Variants in MYBPC2 observed in about 807,000 individuals in gnomAD.
MYBPC2 encodes the protein myosin-binding protein C, fast-type.
In MYBPC2, 122 loss-of-function variants were observed where a neutral mutation model predicts 137.0. That is an observed-to-expected ratio of 0.89 (90% CI 0.77 to 1.03). The LOEUF (loss-of-function observed/expected upper bound fraction) is 1.03, where lower values mean the gene tolerates loss of function less well. MYBPC2 is among the 50% of genes least tolerant of loss of function. The pLI, the probability that MYBPC2 is intolerant of heterozygous loss-of-function variation, is 0.00. For synonymous variants in MYBPC2, 626 were observed against 612.3 expected (o/e 1.02, Z -0.33); for missense variants, 1,500 against 1,534.4 (o/e 0.98, Z 0.37).
chr19:50,455,361 T>A, intron 19 of MYBPC2, 65 bp downstream of exon 19: 1 of 1,573,972 alleles, frequency 6.4e-7, no homozygotes, highest in Admixed American at 1.7e-5. Flanking sequence ...ATCAACCCCG[T>A]CCACCTCTGG....
Position 50,464,548 on chromosome 19 carries a change from T to TC in MYBPC2, c.3415+20dup, listed in dbSNP as rs1450498232. 2 of 1,587,544 alleles carry TC rather than the reference T, an allele frequency of 1.3e-6. No individual in the cohort carries two copies. The highest frequency in any genetic ancestry group is 2.7e-5 in the African/African-American group (2 of 74,506). ...GAGGTCCGAGGTGAGGGCGTGGCCA[T>TC]CCCCAACACTGGCTGACCCTTGCTC... On this transcript the variant is annotated intron_variant, in intron 27 of 27. Transcript: ENST00000357701.
At chr19:50,443,891 C>A in intron 11 of MYBPC2, 75 bp downstream of exon 11, 2 of 1,325,836 alleles carry the variant, frequency 1.5e-6, no homozygotes, top group Non-Finnish European at 2.1e-6. Context: ...CTTTATGGGA[C>A]CTCCTGTGAC....
intron 16 of MYBPC2, 126 bp from the exon 17 acceptor site, chr19:50,453,894 G>A (rs1475433073): frequency 5.5e-6 from 6 of 1,100,388 alleles, no homozygotes; most frequent in African/African-American, 3.2e-5. Context: ...GGGCAGTGGA[G>A]CGAGTGAGGA....
chr19:50,459,947 A>C (rs1223711478), intron 23 of MYBPC2, 93 bp from the exon 24 acceptor site: 3 of 1,504,214 alleles, frequency 2.0e-6, no homozygotes, highest in Non-Finnish European at 2.7e-6. Context: ...GAGAGGTTAG[A>C]ATCAGGAGGG....
chr19:50,433,811 C>G (rs1450154165), intron 1 of MYBPC2, among the ~76,000 whole-genome samples: 2 of 152,194 alleles, frequency 1.3e-5, no homozygotes, highest in African/African-American at 4.8e-5. Context: ...TGCAGGGGCT[C>G]ACGCCTGTCA....
rs367928657 is a variant in MYBPC2 at position 50,454,145 on chromosome 19, C to G, written c.1875C>G (p.Gly625=). ...RYTIKVTNPV[G]EDVASIFLQV... ...CCATCAAGGTCACCAACCCCGTCGG[C>G]GAGGACGTGGCTTCCATCTTCCTGC... is the stretch of plus-strand genomic sequence containing the variant. Residue 625 remains glycine, a synonymous_variant, in exon 17 of 28, where the codon GGC becomes GGG. Transcript: ENST00000357701. The G allele has an allele frequency of 3.7e-5, 59 of 1,613,576 alleles. No homozygotes were observed. Among genetic ancestry groups the G allele is most frequent in the Admixed American group, 5.0e-5 (3 of 59,924 alleles).
At chr19:50,440,026 G>A (rs1451946810) in intron 7 of MYBPC2, among the ~76,000 whole-genome samples, 1 of 152,162 alleles carries the variant, frequency 6.6e-6, no homozygotes, top group Non-Finnish European at 1.5e-5. Flanking sequence ...TTCAGCAAAA[G>A]TCAAGCAGCT....
chr19:50,461,630 A>G lies in MYBPC2; in HGVS notation c.3020A>G (p.Tyr1007Cys). Residue 1007 changes from tyrosine to cysteine, a missense_variant, in exon 25 of 28, where the codon TAC (tyrosine) becomes TGC (cysteine). Coordinates refer to ENST00000357701, the MANE Select transcript of MYBPC2 (RefSeq NM_004533.4). ...IVGNEYYFRV[Y>C]TENICGLSDS... The stretch of plus-strand genomic sequence containing the variant: ...GGCAATGAATACTATTTCCGAGTTT[A>G]CACCGAGAACATCTGTGGGCTCAGT... 6.2e-7 allele frequency: 1 copy of G among 1,613,134 alleles called. No homozygotes were observed. Among genetic ancestry groups the G allele is most frequent in the Non-Finnish European group, 8.5e-7 (1 of 1,179,720 alleles).
chr19:50,452,330 C>T (rs1184960604), intron 16 of MYBPC2, among the ~76,000 whole-genome samples: 1 of 152,176 alleles, frequency 6.6e-6, no homozygotes, highest in Non-Finnish European at 1.5e-5. Flanking sequence ...TCCACTCGTC[C>T]AGTAATTAAT....
At chr19:50,450,540 A>G (rs2122598755) in intron 13 of MYBPC2, among the ~76,000 whole-genome samples, 1 of 152,236 alleles carries the variant, frequency 6.6e-6, no homozygotes, top group African/African-American at 2.4e-5. Context: ...AAGTGCTGGG[A>G]TTACAGATGT....
chr19:50,452,960 T>C (rs1006340222), intron 16 of MYBPC2, among the ~76,000 whole-genome samples: 1 of 152,134 alleles, frequency 6.6e-6, no homozygotes, highest in Non-Finnish European at 1.5e-5. Context: ...TGTGCTTCCA[T>C]TTCCTCTTCT....
chr19:50,442,839 ATGATC>A (rs2039768674), intron 9 of MYBPC2, among the ~76,000 whole-genome samples: 1 of 151,430 alleles, frequency 6.6e-6, no homozygotes, highest in Non-Finnish European at 1.5e-5. Context: ...GTGCAATGGC[ATGATC>A]TCAGTTCACT....
In MYBPC2 at chr19:50,461,706, A is replaced by C; in HGVS notation, c.3091+5A>C. 6.2e-7 allele frequency: 1 copy of C among 1,612,338 alleles called. No individual in the cohort carries two copies. The highest frequency in any genetic ancestry group is 8.5e-7 in the Non-Finnish European group (1 of 1,179,638). On this transcript the variant is annotated splice_donor_5th_base_variant and intron_variant, in intron 25 of 27. Coordinates refer to ENST00000357701, the MANE Select transcript of MYBPC2 (RefSeq NM_004533.4). ...CGGCCCGCATCCTCAAGACAGGTAC[A>C]GCCATCCTGCCCCACAGCCCAGGCC...
intron 8 of MYBPC2, among the ~76,000 whole-genome samples, 162 bp from the exon 9 acceptor site, chr19:50,442,019 G>A (rs1052581583): frequency 3.9e-5 from 6 of 152,134 alleles, no homozygotes; most frequent in Non-Finnish European, 7.4e-5. Context: ...ATCACCACCA[G>A]AGAAGTTCTC....
chr19:50,458,120 G>A (rs867473192), intron 20 of MYBPC2, among the ~76,000 whole-genome samples: 3 of 151,172 alleles, frequency 2.0e-5, no homozygotes, highest in African/African-American at 7.3e-5. Flanking sequence ...GAGCATCCTG[G>A]CCAACATGGT....
intron 9 of MYBPC2, among the ~76,000 whole-genome samples, chr19:50,443,012 A>C (rs1415255181): frequency 6.6e-6 from 1 of 151,984 alleles, no homozygotes; most frequent in Non-Finnish European, 1.5e-5. Flanking sequence ...CTCTTCAAGC[A>C]ATCTGCCTGC....
chr19:50,436,860 G>A lies in MYBPC2; in HGVS notation c.463+126G>A, dbSNP rs1451506021. 2.4e-5 allele frequency: 19 copies of A among 804,022 alleles called. No individual in the cohort carries two copies. The East Asian group carries it at 4.8e-4, about 20-fold the overall frequency. 49.8% of individuals were successfully genotyped at this position (804,022 alleles called of 1,614,324 possible). ...GGTGGGCACAGGTTTTTGGAGGAGG[G>A]AGTGCAGATTCTGGGGTCAGAGTAT... On this transcript the variant is annotated intron_variant, in intron 5 of 27. Coordinates refer to ENST00000357701, the MANE Select transcript of MYBPC2 (RefSeq NM_004533.4).
rs1346552248 is a variant in MYBPC2, at chr19:50,435,200, G to A, written c.59G>A (p.Gly20Glu). ...CCCAAAGGCAAAGATGCCCCCAAAG[G>A]AGCCCCCAAGGAGGCTCCCCCTAAG... ...KAPKGKDAPK[G>E]APKEAPPKEA... Residue 20 changes from glycine to glutamate, a missense_variant, in exon 2 of 28, where the codon GGA (glycine) becomes GAA (glutamate). Physicochemically the swap from Gly to Glu is moderately conservative, Grantham distance 98. Coordinates refer to ENST00000357701, the MANE Select transcript of MYBPC2 (RefSeq NM_004533.4). This position sits in a 1 kb window ranked among gnomAD's most constrained non-coding sequence, Gnocchi z 4.8. 8 of 1,435,046 alleles carry A rather than the reference G, an allele frequency of 5.6e-6. No homozygotes were observed. Among genetic ancestry groups the A allele is most frequent in the Non-Finnish European group, 7.8e-6 (8 of 1,022,434 alleles). 88.9% of individuals were successfully genotyped at this position (1,435,046 alleles called of 1,614,324 possible). A position where few individuals can be genotyped will look rare whatever the true frequency, so the allele number is the denominator to read the frequency against.
rs1211262950 is a variant in MYBPC2, at chr19:50,440,888, TGGA to T, written c.589_591del (p.Glu197del). On this transcript the variant is annotated inframe_deletion, in exon 8 of 28. Coordinates refer to ENST00000357701, the MANE Select transcript of MYBPC2 (RefSeq NM_004533.4). ...GTTCCCCCACCCGCCAGGGAGGTGGTGGAGGAGGAGAAGAAGAAGAAAAAGAAA... is the reference window on the plus strand; with the variant it reads ...GTTCCCCCACCCGCCAGGGAGGTGGTGGAGGAGAAGAAGAAGAAAAAGAAA... 1.7e-5 allele frequency: 28 copies of T among 1,610,696 alleles called. No homozygotes were observed. The highest frequency in any genetic ancestry group is 2.3e-5 in the Non-Finnish European group (27 of 1,178,384).
Sources: allele counts gnomAD v4.1 joint callset (sites outside exome capture counted in the v4.1 genomes callset), GRCh38; gene constraint gnomAD v4.1.1; non-coding constraint Gnocchi (gnomAD v3.1); transcripts MANE v1.5; gene names NCBI Gene and HGNC (gene_info 2026-07-23, HGNC 2026-07-21).